SPIDR: variants seen among roughly 807,000 people sequenced by gnomAD.
SPIDR encodes the protein DNA repair-scaffolding protein.
SPIDR carries 93 observed loss-of-function variants against 104.6 expected under a neutral mutation model. The observed-to-expected ratio is 0.89, with a 90% CI of 0.75 to 1.06. The LOEUF is 1.06. Among genes scored for constraint, SPIDR ranks in the 50% least tolerant of loss-of-function variants. The pLI, the probability that SPIDR is intolerant of heterozygous loss-of-function variation, is 0.00. For missense variants in SPIDR, 1,154 were observed against 1,111.2 expected, an observed-to-expected ratio of 1.04 and a Z score of -0.55; for synonymous variants, 431 against 416.9, an observed-to-expected ratio of 1.03 and a Z score of -0.41.
chr8:47,631,425 C>T (rs1588608840), intron 10 of SPIDR, among the ~76,000 whole-genome samples: 1 of 152,210 alleles, frequency 6.6e-6, no homozygotes, highest in Non-Finnish European at 1.5e-5. Flanking sequence ...CTGGGTCTTA[C>T]CTCCTGGTGG....
At chr8:47,293,639 C>G (rs1554570962) in intron 4 of SPIDR, among the ~76,000 whole-genome samples, 1 of 152,074 alleles carries the variant, frequency 6.6e-6, no homozygotes, top group Non-Finnish European at 1.5e-5. Flanking sequence ...ATAGAGACAG[C>G]ATTTCATCTT....
At chr8:47,299,427 T>C (rs1484224810) in intron 5 of SPIDR, among the ~76,000 whole-genome samples, 1 of 152,130 alleles carries the variant, frequency 6.6e-6, no homozygotes, top group African/African-American at 2.4e-5. Flanking sequence ...CTTTTCCTAA[T>C]TGAATACCCT....
intron 5 of SPIDR, among the ~76,000 whole-genome samples, chr8:47,368,683 G>A (rs1314957622): frequency 2.0e-5 from 3 of 152,150 alleles, no homozygotes; most frequent in African/African-American, 4.8e-5. Flanking sequence ...ATGATCAATA[G>A]TCTCCTTGTT....
chr8:47,445,885 TGA>T lies in SPIDR; in HGVS notation c.1097+5349_1097+5350del, dbSNP rs1466799644. 5.3e-5 allele frequency among the ~76,000 whole-genome samples: 8 copies of T among 152,274 alleles called. No homozygotes were observed. The East Asian group carries it at 9.7e-4, about 18-fold the overall frequency. On this transcript the variant is annotated intron_variant, in intron 8 of 19. Coordinates refer to ENST00000297423, the MANE Select transcript of SPIDR (RefSeq NM_001080394.4). ...TAACCTTCTACAATTCTTTGAAGTCTGAGAGAGGTGAGGAAGCTTCAGAAGAA... is the reference window on the plus strand; with the variant it reads ...TAACCTTCTACAATTCTTTGAAGTCTGAGAGGTGAGGAAGCTTCAGAAGAA...
intron 8 of SPIDR, among the ~76,000 whole-genome samples, chr8:47,445,806 G>T (rs1198603240): frequency 6.6e-6 from 1 of 152,190 alleles, no homozygotes; most frequent in African/African-American, 2.4e-5. Context: ...CTGGATAGGA[G>T]CTCAAACAAG....
chr8:47,354,733 T>G (rs182080459), intron 5 of SPIDR, among the ~76,000 whole-genome samples: 124 of 152,180 alleles, frequency 8.1e-4, no homozygotes, highest in African/African-American at 2.9e-3. Context: ...TCTTGAATTC[T>G]TGGGCTCAGG....
chr8:47,325,363 A>G (rs2047488107), intron 5 of SPIDR, among the ~76,000 whole-genome samples: 1 of 152,192 alleles, frequency 6.6e-6, no homozygotes, highest in South Asian at 2.1e-4. Flanking sequence ...ATTTTTCTCC[A>G]CATTTCTGGG....
chr8:47,308,987 A>T (rs1384031214), intron 5 of SPIDR, among the ~76,000 whole-genome samples: 2 of 152,202 alleles, frequency 1.3e-5, no homozygotes, highest in African/African-American at 4.8e-5. Flanking sequence ...CAAAATAGTT[A>T]AATAGAACAG....
At position 47,673,921 on chromosome 8, in the gene SPIDR, A is replaced by T. The variant is rs764264226; in HGVS notation, c.1665A>T (p.Leu555=). 3.5e-5 allele frequency: 57 copies of T among 1,614,046 alleles called. No individual in the cohort carries two copies. In the South Asian group the frequency reaches 6.1e-4, roughly 17 times the overall value. ...GCAGCCTGGTGGGAATGAAGGTTCT[A>T]CAGAAAGTCACCAGAGGAAGGTGAG... ...KSCSLVGMKV[L]QKVTRGRTAG... Residue 555 remains leucine (L), a synonymous_variant, in exon 11 of 20, where the codon CTA becomes CTT. Coordinates refer to ENST00000297423, the MANE Select transcript of SPIDR (RefSeq NM_001080394.4).
chr8:47,501,780 T>C (rs1299179268), intron 8 of SPIDR, among the ~76,000 whole-genome samples: 1 of 152,150 alleles, frequency 6.6e-6, no homozygotes, highest in Non-Finnish European at 1.5e-5. Flanking sequence ...GGCTGTGGGT[T>C]TGTCATAGAT....
At chr8:47,641,078 C>T (rs1462261093) in intron 10 of SPIDR, among the ~76,000 whole-genome samples, 1 of 151,458 alleles carries the variant, frequency 6.6e-6, no homozygotes, top group Non-Finnish European at 1.5e-5. Flanking sequence ...ATTTGAGGTA[C>T]ACTTTAAAAT....
At chr8:47,436,844 C>T (rs2068423200) in intron 7 of SPIDR, among the ~76,000 whole-genome samples, 1 of 152,108 alleles carries the variant, frequency 6.6e-6, no homozygotes, top group African/African-American at 2.4e-5. Context: ...AAGGAAGGCC[C>T]TGGAGGATGT....
At chr8:47,551,365 C>T (rs1458079104) in intron 8 of SPIDR, among the ~76,000 whole-genome samples, 1 of 152,076 alleles carries the variant, frequency 6.6e-6, no homozygotes, top group Non-Finnish European at 1.5e-5. Context: ...CTCTTTGTTC[C>T]TCTGGTGGAA....
intron 8 of SPIDR, among the ~76,000 whole-genome samples, chr8:47,444,602 C>T (rs2070192725): frequency 6.6e-6 from 1 of 152,162 alleles, no homozygotes; most frequent in Non-Finnish European, 1.5e-5. Context: ...AGGTTGCTTT[C>T]TATTTTTAGC....
intron 1 of SPIDR, among the ~76,000 whole-genome samples, chr8:47,270,185 T>G (rs111698612): frequency 6.6e-6 from 1 of 152,176 alleles, no homozygotes; most frequent in Non-Finnish European, 1.5e-5. Context: ...TCCTCTTCTG[T>G]ATTTTGGAAG....
chr8:47,376,420 A>G (rs782104956), intron 5 of SPIDR, among the ~76,000 whole-genome samples: 5 of 152,216 alleles, frequency 3.3e-5, no homozygotes, highest in Admixed American at 6.5e-5. Flanking sequence ...AGCCCTGTAT[A>G]TAGAACCCGG....
chr8:47,322,238 A>G (rs926055182), intron 5 of SPIDR, among the ~76,000 whole-genome samples: 1 of 152,232 alleles, frequency 6.6e-6, no homozygotes, highest in African/African-American at 2.4e-5. Context: ...GAGCTCCAAC[A>G]AATTTTCAAG....
chr8:47,704,648 T>C lies in SPIDR; in HGVS notation c.1977+2633T>C, dbSNP rs554140740. ...ATTCTCTCACCATATTGGATTGTTC[T>C]AGGATGAATTTAGGAGTTTTGAAAT... On this transcript the variant is annotated intron_variant, in intron 14 of 19. Transcript: ENST00000297423. Among the ~76,000 whole-genome samples the C allele has an allele frequency of 5.3e-5, 8 of 152,360 alleles. No homozygotes were observed. In the South Asian group the frequency reaches 1.7e-3, roughly 32 times the overall value.
At chr8:47,535,492 GATAC>G (rs933984209) in intron 8 of SPIDR, among the ~76,000 whole-genome samples, 3 of 152,058 alleles carry the variant, frequency 2.0e-5, no homozygotes, top group African/African-American at 7.2e-5. Context: ...CATGAATGTA[GATAC>G]ATAAATAGTT....
Sources: allele counts gnomAD v4.1 joint callset (sites outside exome capture counted in the v4.1 genomes callset), GRCh38; gene constraint gnomAD v4.1.1; transcripts MANE v1.5; gene names NCBI Gene and HGNC (gene_info 2026-07-23, HGNC 2026-07-21).